Variants in BRMS1L observed in about 807,000 individuals in gnomAD.
The protein encoded by BRMS1L is breast cancer metastasis-suppressor 1-like protein.
Under a neutral mutation model 50.3 loss-of-function variants are expected in BRMS1L, and 23 were observed. The observed-to-expected ratio is 0.46, with a 90% CI of 0.33 to 0.65. The LOEUF (loss-of-function observed/expected upper bound fraction) is 0.65. Ranked by LOEUF, BRMS1L falls within the 30% of genes least tolerant of loss-of-function variation. The pLI, the probability that BRMS1L is intolerant of heterozygous loss-of-function variation, is 0.02. For missense variants in BRMS1L, 286 were observed against 386.1 expected (o/e 0.74, Z 2.17); for synonymous variants, 114 against 126.9 (o/e 0.90, Z 0.69).
intron 4 of BRMS1L, among the ~76,000 whole-genome samples, chr14:35,852,927 T>C (rs1196696916): frequency 6.6e-6 from 1 of 151,172 alleles, no homozygotes. Flanking sequence ...CGAGGCTCCG[T>C]CTCAAAAAAA....
intron 5 of BRMS1L, among the ~76,000 whole-genome samples, chr14:35,863,116 T>G (rs1357360086): frequency 6.6e-6 from 1 of 151,808 alleles, no homozygotes; most frequent in Admixed American, 6.6e-5. Flanking sequence ...AAAAAAAGAA[T>G]AGTATTGGAA....
At chr14:35,858,009 A>T (rs1211118531) in intron 4 of BRMS1L, among the ~76,000 whole-genome samples, 1 of 151,008 alleles carries the variant, frequency 6.6e-6, no homozygotes, top group Non-Finnish European at 1.5e-5. Context: ...GGACTCAAGA[A>T]AAGTAAAAAA....
Position 35,862,823 on chromosome 14 carries a change from C to A in BRMS1L, c.538+137C>A, listed in dbSNP as rs149033257. ...CCAGCAAAGGAGAAAAGGGGAAGAACTCTAAAGTGATGGTGATTATATTGT... is the reference window on the plus strand; with the variant it reads ...CCAGCAAAGGAGAAAAGGGGAAGAAATCTAAAGTGATGGTGATTATATTGT... On this transcript the variant is annotated intron_variant, in intron 5 of 9. Coordinates refer to ENST00000216807, the MANE Select transcript of BRMS1L (RefSeq NM_032352.4). The A allele has an allele frequency of 3.1e-3, 1,328 of 424,274 alleles. 3 individuals carry two copies. Among genetic ancestry groups the A allele is most frequent in the Non-Finnish European group, 4.0e-3 (982 of 243,514 alleles). The allele number at this position is 424,274 out of a possible 1,614,324, so 26.3% of individuals were successfully genotyped here.
chr14:35,855,432 G>T (rs764646077), intron 4 of BRMS1L, among the ~76,000 whole-genome samples: 17 of 152,096 alleles, frequency 1.1e-4, no homozygotes, highest in Non-Finnish European at 2.2e-4. Context: ...CTTTAAAAGG[G>T]TGTTTGTGGC....
intron 4 of BRMS1L, among the ~76,000 whole-genome samples, chr14:35,860,579 T>TAAA (rs397852632): frequency 3.7e-5 from 5 of 134,822 alleles, no homozygotes; most frequent in African/African-American, 8.1e-5. Flanking sequence ...GCAGTATGCT[T>TAAA]AAAAAAAAAA....
chr14:35,851,194 T>C (rs183522783), intron 4 of BRMS1L, among the ~76,000 whole-genome samples: 70 of 152,336 alleles, frequency 4.6e-4, no homozygotes, highest in African/African-American at 1.7e-3. Context: ...GTGGATTTGT[T>C]TCATTACAAG....
At chr14:35,839,205 C>A (rs1344330243) in intron 4 of BRMS1L, among the ~76,000 whole-genome samples, 12 of 152,012 alleles carry the variant, frequency 7.9e-5, no homozygotes, top group Admixed American at 7.9e-4. Flanking sequence ...ATTTCTGAGG[C>A]CTCTATTCTG....
chr14:35,862,643 A>G lies in BRMS1L; in HGVS notation c.495A>G (p.Ile165Met), dbSNP rs1345098795. The part of the protein sequence containing the change: ...DTVQSELEEK[I>M]RRLEEDRHSI... ...TCCAGAGTGAACTAGAGGAGAAGAT[A>G]AGAAGGCTTGAAGAGGATAGGCACA... The change falls in exon 5 of 10, where the codon ATA becomes ATG. Residue 165 changes from isoleucine to methionine, a missense_variant. Ile to Met is a conservative substitution (Grantham distance 10). Coordinates refer to ENST00000216807, the MANE Select transcript of BRMS1L (RefSeq NM_032352.4). 1.9e-6 allele frequency: 3 copies of G among 1,611,954 alleles called. No individual in the cohort carries two copies. Among genetic ancestry groups the G allele is most frequent in the Non-Finnish European group, 2.5e-6 (3 of 1,178,862 alleles).
chr14:35,856,234 A>G (rs529037560), intron 4 of BRMS1L, among the ~76,000 whole-genome samples: 1 of 152,318 alleles, frequency 6.6e-6, no homozygotes, highest in South Asian at 2.1e-4. Context: ...GAGGCAGCAG[A>G]TGGTTTGTAT....
intron 6 of BRMS1L, 32 bp from the exon 7 acceptor site, chr14:35,864,903 T>C (rs1441513671): frequency 7.2e-7 from 1 of 1,396,928 alleles, no homozygotes; most frequent in South Asian, 1.3e-5. Context: ...AGTGTGATAT[T>C]CTTACAGCTA....
In BRMS1L at chr14:35,871,264, G is replaced by C. The variant is rs2078488304; in HGVS notation, c.*787G>C. ...GTGGTGAACAATAACTGACAGTATT[G>C]TGCTTGCTGTACATGTCTGGTCTTT... On this transcript the variant is annotated 3_prime_UTR_variant, in exon 10 of 10. Coordinates refer to ENST00000216807, the MANE Select transcript of BRMS1L (RefSeq NM_032352.4). 1 of 152,594 alleles carries C rather than the reference G, an allele frequency of 6.6e-6. No individual in the cohort carries two copies. Among genetic ancestry groups the C allele is most frequent in the South Asian group, 2.1e-4 (1 of 4,822 alleles). 9.5% of individuals were successfully genotyped at this position (152,594 alleles called of 1,614,324 possible).
chr14:35,863,074 G>C (rs759015933), intron 5 of BRMS1L, among the ~76,000 whole-genome samples: 3 of 151,856 alleles, frequency 2.0e-5, no homozygotes, highest in Non-Finnish European at 4.4e-5. Flanking sequence ...TGGCGCCACT[G>C]CACTCCAGAC....
chr14:35,856,031 T>G (rs2078275136), intron 4 of BRMS1L, among the ~76,000 whole-genome samples: 1 of 152,218 alleles, frequency 6.6e-6, no homozygotes, highest in Non-Finnish European at 1.5e-5. Context: ...ATCTGCTTAT[T>G]CTTTTGTTCT....
chr14:35,854,155 T>G (rs1248491015), intron 4 of BRMS1L, among the ~76,000 whole-genome samples: 1 of 152,234 alleles, frequency 6.6e-6, no homozygotes, highest in Admixed American at 6.5e-5. Context: ...TATTGGTTTC[T>G]TGCTCACTGT....
chr14:35,854,742 A>C (rs2078258438), intron 4 of BRMS1L, among the ~76,000 whole-genome samples: 1 of 152,056 alleles, frequency 6.6e-6, no homozygotes, highest in Non-Finnish European at 1.5e-5. Flanking sequence ...TATGATTCTG[A>C]CCTAAGGCAG....
In BRMS1L at chr14:35,826,468, G is replaced by A. The variant is rs115346142; in HGVS notation, c.-49G>A. The A allele has an allele frequency of 2.4e-3, 3,792 of 1,552,670 alleles. 93 individuals carry two copies. The African/African-American group carries it at 0.045, about 18-fold the overall frequency. On this transcript the variant is annotated 5_prime_UTR_variant, in exon 1 of 10. Coordinates refer to ENST00000216807, the MANE Select transcript of BRMS1L (RefSeq NM_032352.4). Reference sequence around the variant, plus strand: ...TCCGCGCGCCCTTCATTGAAGCGGCGGTGGCCGGGCTGGGCGCCGGTAGTG... The same window carrying A: ...TCCGCGCGCCCTTCATTGAAGCGGCAGTGGCCGGGCTGGGCGCCGGTAGTG...
In BRMS1L at chr14:35,870,703, C is replaced by A; in HGVS notation, c.*226C>A. On this transcript the variant is annotated 3_prime_UTR_variant, in exon 10 of 10. Transcript: ENST00000216807. The stretch of plus-strand genomic sequence containing the variant: ...TGATTTGCCTCTTAGGTCCGATGAC[C>A]AATAGGTATTCTGTATATGGTAGGG... The A allele has an allele frequency of 3.8e-6, 1 of 265,350 alleles. No individual in the cohort carries two copies. Among genetic ancestry groups the A allele is most frequent in the Non-Finnish European group, 7.2e-6 (1 of 138,194 alleles). The allele number at this position is 265,350 out of a possible 1,614,324, so 16.4% of individuals were successfully genotyped here.
chr14:35,863,580 G>T (rs912817499), intron 5 of BRMS1L, among the ~76,000 whole-genome samples: 1 of 152,152 alleles, frequency 6.6e-6, no homozygotes, highest in South Asian at 2.1e-4. Flanking sequence ...TAGCTTTGGG[G>T]ATTAGGTGAG....
chr14:35,848,403 G>A (rs1337618198), intron 4 of BRMS1L, among the ~76,000 whole-genome samples: 1 of 151,926 alleles, frequency 6.6e-6, no homozygotes, highest in African/African-American at 2.4e-5. Context: ...GTCTTTCTGT[G>A]TTGCTCAGGC....
Sources: allele counts gnomAD v4.1 joint callset (sites outside exome capture counted in the v4.1 genomes callset), GRCh38; gene constraint gnomAD v4.1.1; transcripts MANE v1.5; gene names NCBI Gene and HGNC (gene_info 2026-07-23, HGNC 2026-07-21).